Variants in TRAPPC6A observed in about 807,000 individuals in gnomAD.
TRAPPC6A encodes trafficking protein particle complex subunit 6A.
Under a neutral mutation model 20.8 loss-of-function variants are expected in TRAPPC6A, and 25 were observed. That is an observed-to-expected ratio of 1.20 (90% CI 0.88 to 1.68). TRAPPC6A has a LOEUF of 1.68. Among genes scored for constraint, TRAPPC6A ranks in the 40% most tolerant of loss-of-function variants. TRAPPC6A has a pLI of 0.00. For synonymous variants in TRAPPC6A, 96 were observed against 93.3 expected, an observed-to-expected ratio of 1.03 and a Z score of -0.16; for missense variants, 215 against 211.6, an observed-to-expected ratio of 1.02 and a Z score of -0.10.
At chr19:45,168,137 G>T (rs888648916) in intron 1 of TRAPPC6A, among the ~76,000 whole-genome samples, 9 of 151,554 alleles carry the variant, frequency 5.9e-5, no homozygotes, top group African/African-American at 2.2e-4. Context: ...TGAGTAGCTG[G>T]CACTATAGGC....
In TRAPPC6A at chr19:45,163,739, A is replaced by G. The variant is rs80141102; in HGVS notation, c.448+177T>C. On this transcript the variant is annotated intron_variant, in intron 5 of 5. Coordinates refer to ENST00000585934, the MANE Select transcript of TRAPPC6A (RefSeq NM_001270891.2). The surrounding 1 kb of genome is among the most constrained non-coding windows in gnomAD (Gnocchi z 5.3). ...AAAACCGCCAGACAGTTCTCTCTGC[A>G]GGGCTGGCGACGTCACGGAGCCAGG... Among the ~76,000 whole-genome samples the G allele has an allele frequency of 0.03, 4,554 of 152,188 alleles. 235 individuals are homozygous for G. The highest frequency in any genetic ancestry group is 0.1 in the African/African-American group (4,301 of 41,524).
chr19:45,170,487 C>T (rs920972393), intron 1 of TRAPPC6A, among the ~76,000 whole-genome samples: 2 of 152,308 alleles, frequency 1.3e-5, no homozygotes, highest in Admixed American at 6.5e-5. Flanking sequence ...AGGACGGCAG[C>T]CCCCGGAGGG....
At chr19:45,176,630 G>A (rs1186695981) in intron 1 of TRAPPC6A, among the ~76,000 whole-genome samples, 1 of 150,238 alleles carries the variant, frequency 6.7e-6, no homozygotes, top group Non-Finnish European at 1.5e-5. Context: ...ATGCATTTTT[G>A]ATTTATGATG....
chr19:45,164,278 T>A (rs1286205581), intron 3 of TRAPPC6A, 31 bp from the exon 4 acceptor site: 1 of 1,475,490 alleles, frequency 6.8e-7, no homozygotes, highest in East Asian at 2.3e-5. Context: ...GTGGGTGGGG[T>A]CGGGGCCTGT....
intron 1 of TRAPPC6A, among the ~76,000 whole-genome samples, chr19:45,170,940 G>A (rs1035453123): frequency 6.6e-6 from 1 of 152,234 alleles, no homozygotes; most frequent in Non-Finnish European, 1.5e-5. Flanking sequence ...TCATCACAGC[G>A]AGACCTGGTG....
chr19:45,163,832 C>A lies in TRAPPC6A; in HGVS notation c.448+84G>T. ...CTTAAAACTGGGCCTGCCTCCCAGG[C>A]ACACACACAGGAGTGGGGCTGGAAC... On this transcript the variant is annotated intron_variant, in intron 5 of 5. Transcript: ENST00000585934. This position sits in a 1 kb window ranked among gnomAD's most constrained non-coding sequence, Gnocchi z 5.3. 8.0e-7 allele frequency: 1 copy of A among 1,248,480 alleles called. No homozygotes were observed. The highest frequency in any genetic ancestry group is 1.4e-5 in the South Asian group (1 of 72,896). 77.3% of individuals were successfully genotyped at this position (1,248,480 alleles called of 1,614,324 possible). A position where few individuals can be genotyped will look rare whatever the true frequency, so the allele number is the denominator to read the frequency against.
At position 45,172,727 on chromosome 19, in the gene TRAPPC6A, G is replaced by C. The variant is rs916093694; in HGVS notation, c.84+5408C>G. The stretch of plus-strand genomic sequence containing the variant: ...CCTGTCCCCTGGCCCAGCCCGGAAG[G>C]TTGAGCCCACCACAGCCTCTGCCTT... On this transcript the variant is annotated intron_variant, in intron 1 of 5. Transcript: ENST00000585934. This position sits in a 1 kb window ranked among gnomAD's most constrained non-coding sequence, Gnocchi z 4.2. Among the ~76,000 whole-genome samples, 3 of 151,774 alleles carry C rather than the reference G, an allele frequency of 2.0e-5. No homozygotes were observed. The highest frequency in any genetic ancestry group is 4.4e-5 in the Non-Finnish European group (3 of 68,040).
intron 1 of TRAPPC6A, among the ~76,000 whole-genome samples, chr19:45,170,178 CTGCAGGCAAG>C (rs1167539266): frequency 2.0e-5 from 3 of 152,212 alleles, no homozygotes; most frequent in African/African-American, 7.2e-5. Context: ...GCATTTTCCC[CTGCAGGCAAG>C]TGCAGCCAAC....
chr19:45,165,102 G>C, intron 2 of TRAPPC6A, 25 bp downstream of exon 2: 1 of 1,612,614 alleles, frequency 6.2e-7, no homozygotes, highest in Non-Finnish European at 8.5e-7. Context: ...CCAGGCTGGG[G>C]GAGAGCAGGA....
chr19:45,163,984 A>T lies in TRAPPC6A; in HGVS notation c.380T>A (p.Leu127Gln). 1 of 1,576,130 alleles carries T rather than the reference A, an allele frequency of 6.3e-7. No individual in the cohort carries two copies. Among genetic ancestry groups the T allele is most frequent in the Non-Finnish European group, 8.6e-7 (1 of 1,160,940 alleles). ...GCCCAGGGTATAGAGGGCGCCGCGCAGGAGGCCGCAGGTGAAGGCCAGGAA... is the reference window on the plus strand; with the variant it reads ...GCCCAGGGTATAGAGGGCGCCGCGCTGGAGGCCGCAGGTGAAGGCCAGGAA... ...PKFLAFTCGL[L>Q]RGALYTLGIE... Residue 127 changes from leucine (L) to glutamine (Q), a missense_variant, in exon 5 of 6, where the codon CTG becomes CAG. Leu to Gln is a moderately radical substitution (Grantham distance 113). Coordinates refer to ENST00000585934, the MANE Select transcript of TRAPPC6A (RefSeq NM_001270891.2). The surrounding 1 kb of genome is among the most constrained non-coding windows in gnomAD (Gnocchi z 5.3).
intron 1 of TRAPPC6A, among the ~76,000 whole-genome samples, chr19:45,174,631 T>A (rs1182033459): frequency 6.6e-6 from 1 of 151,292 alleles, no homozygotes; most frequent in Admixed American, 6.6e-5. Flanking sequence ...GAGTTCAAGG[T>A]CAGCCTGGGC....
intron 1 of TRAPPC6A, among the ~76,000 whole-genome samples, chr19:45,174,917 G>A (rs1361515458): frequency 3.4e-5 from 5 of 147,372 alleles, no homozygotes; most frequent in Non-Finnish European, 7.4e-5. Context: ...TCAGGAGATC[G>A]AGACCATCCT....
At position 45,173,614 on chromosome 19, in the gene TRAPPC6A, T is replaced by C. The variant is rs1390627638; in HGVS notation, c.84+4521A>G. Among the ~76,000 whole-genome samples the C allele has an allele frequency of 6.6e-6, 1 of 152,204 alleles. No homozygotes were observed. The highest frequency in any genetic ancestry group is 2.4e-5 in the African/African-American group (1 of 41,456). On this transcript the variant is annotated intron_variant, in intron 1 of 5. Transcript: ENST00000585934. This position sits in a 1 kb window ranked among gnomAD's most constrained non-coding sequence, Gnocchi z 4.8. ...CCTGAGGACTAAATGCAGTCAACACTGTGCAAGTACTGCACAGACGCCCTC... is the reference window on the plus strand; with the variant it reads ...CCTGAGGACTAAATGCAGTCAACACCGTGCAAGTACTGCACAGACGCCCTC...
intron 1 of TRAPPC6A, among the ~76,000 whole-genome samples, chr19:45,165,752 G>C (rs1001997834): frequency 3.3e-5 from 5 of 152,154 alleles, no homozygotes; most frequent in Middle Eastern, 3.2e-3. Context: ...TGCTCGAAAA[G>C]GACAGTGGCT....
At position 45,172,429 on chromosome 19, in the gene TRAPPC6A, G is replaced by A. The variant is rs1969285632; in HGVS notation, c.84+5706C>T. ...CCCCTCGATTGTTCTCTAGGCACCT[G>A]CTAGCTCCTGGGCAGAGGCTGACCC... On this transcript the variant is annotated intron_variant, in intron 1 of 5. Coordinates refer to ENST00000585934, the MANE Select transcript of TRAPPC6A (RefSeq NM_001270891.2). This position sits in a 1 kb window ranked among gnomAD's most constrained non-coding sequence, Gnocchi z 4.2. Among the ~76,000 whole-genome samples the A allele has an allele frequency of 6.6e-6, 1 of 151,640 alleles. No homozygotes were observed. The highest frequency in any genetic ancestry group is 2.4e-5 in the African/African-American group (1 of 40,944).
At chr19:45,177,356 T>C (rs1969409649) in intron 1 of TRAPPC6A, among the ~76,000 whole-genome samples, 1 of 151,872 alleles carries the variant, frequency 6.6e-6, no homozygotes, top group Non-Finnish European at 1.5e-5. Context: ...TTTTTTTTTT[T>C]CCTGAGACAA....
rs1323256122 is a variant in TRAPPC6A at position 45,163,481 on chromosome 19, GGGGGCCCCC to G, written c.449-267_449-259del. Among the ~76,000 whole-genome samples, 1 of 152,028 alleles carries G rather than the reference GGGGGCCCCC, an allele frequency of 6.6e-6. No homozygotes were observed. The highest frequency in any genetic ancestry group is 2.4e-5 in the African/African-American group (1 of 41,396). ...CTCGGTCCTACCCCACGGGGGCCCC[GGGGGCCCCC>G]ATGAGTGGGCCTGGGGAACCGGCAG... On this transcript the variant is annotated intron_variant, in intron 5 of 5. Transcript: ENST00000585934. This position sits in a 1 kb window ranked among gnomAD's most constrained non-coding sequence, Gnocchi z 5.3.
rs759274260 is a variant in TRAPPC6A, at chr19:45,178,139, G to C, written c.80C>G (p.Pro27Arg). Residue 27 changes from proline (P) to arginine (R), a missense_variant, in exon 1 of 6, where the codon CCG (proline) becomes CGG (arginine). Pro to Arg is a moderately radical substitution (Grantham distance 103). Coordinates refer to ENST00000585934, the MANE Select transcript of TRAPPC6A (RefSeq NM_001270891.2). ...CCCACGGAGCCCGGCGCTCACCCCC[G>C]GGCCGGGGTCGGGGTCGTGAGCCCA... The part of the protein sequence containing the change: ...ELWAHDPDPG[P>R]GGQKMSLSVL... 2 of 1,613,258 alleles carry C rather than the reference G, an allele frequency of 1.2e-6. No individual in the cohort carries two copies. Among genetic ancestry groups the C allele is most frequent in the South Asian group, 2.2e-5 (2 of 91,018 alleles).
chr19:45,162,935 C>G lies in TRAPPC6A; in HGVS notation c.*257G>C, dbSNP rs928701037. Reference sequence around the variant, plus strand: ...CTCCCCCACTGCTCTGAGTCAGATTCCACACACACAGCCTTTATTGAGCAG... The same window carrying G: ...CTCCCCCACTGCTCTGAGTCAGATTGCACACACACAGCCTTTATTGAGCAG... On this transcript the variant is annotated 3_prime_UTR_variant, in exon 6 of 6. Coordinates refer to ENST00000585934, the MANE Select transcript of TRAPPC6A (RefSeq NM_001270891.2). The G allele has an allele frequency of 7.8e-6, 3 of 383,692 alleles. No individual in the cohort carries two copies. The highest frequency in any genetic ancestry group is 1.4e-5 in the Non-Finnish European group (3 of 215,292). 23.8% of individuals were successfully genotyped at this position (383,692 alleles called of 1,614,324 possible).
Sources: allele counts gnomAD v4.1 joint callset (sites outside exome capture counted in the v4.1 genomes callset), GRCh38; gene constraint gnomAD v4.1.1; non-coding constraint Gnocchi (gnomAD v3.1); transcripts MANE v1.5; gene names NCBI Gene and HGNC (gene_info 2026-07-23, HGNC 2026-07-21).